The following NTRK3 variants were observed in gnomAD, a reference collection of about 807,000 sequenced individuals.
NTRK3 encodes the protein neurotrophic receptor tyrosine kinase 3.
A neutral mutation model predicts 91.7 loss-of-function variants in NTRK3; 24 were observed. The ratio of observed to expected loss-of-function variants is 0.26; its 90% CI spans 0.19 to 0.37. NTRK3 has a LOEUF of 0.37. NTRK3 is among the 10% of genes least tolerant of loss of function. The pLI is 1.00. For missense variants in NTRK3, 880 were observed against 1,068.9 expected (o/e 0.82, Z 2.46); for synonymous variants, 483 against 404.0 (o/e 1.20, Z -2.34).
At chr15:88,224,315 A>C (rs1109947) in intron 3 of NTRK3, among the ~76,000 whole-genome samples, 124,509 of 152,156 alleles carry the variant, frequency 0.82, 51,756 homozygotes, top group East Asian at 0.96. Context: ...GTTGGCCTGC[A>C]GAGTCTGAGG....
intron 5 of NTRK3, among the ~76,000 whole-genome samples, chr15:88,170,976 A>C (rs1048630801): frequency 2.0e-5 from 3 of 152,196 alleles, no homozygotes; most frequent in Non-Finnish European, 4.4e-5. Context: ...CTGTGTGTAT[A>C]AACCAGCCCT....
chr15:87,902,940 C>A lies in NTRK3; in HGVS notation c.2134-22512G>T, dbSNP rs776823305. Reference sequence around the variant, plus strand: ...CCTTCCCCACCCTACATGTCTGCACCCAAATGCCAGAGCTTCACTGGCCAT... The same window carrying A: ...CCTTCCCCACCCTACATGTCTGCACACAAATGCCAGAGCTTCACTGGCCAT... On this transcript the variant is annotated intron_variant, in intron 17 of 18. Transcript: ENST00000394480. Among the ~76,000 whole-genome samples, 82 of 152,118 alleles carry A rather than the reference C, an allele frequency of 5.4e-4. 3 individuals carry two copies. Among genetic ancestry groups the A allele is most frequent in the South Asian group, 2.1e-4 (1 of 4,830 alleles).
intron 13 of NTRK3, among the ~76,000 whole-genome samples, chr15:88,069,487 G>A (rs1048756985): frequency 1.3e-5 from 2 of 152,192 alleles, no homozygotes; most frequent in African/African-American, 4.8e-5. Context: ...GTGTCAGGGG[G>A]AGCAATGGAA....
intron 13 of NTRK3, among the ~76,000 whole-genome samples, chr15:88,066,986 T>A (rs2046704582): frequency 6.6e-6 from 1 of 152,148 alleles, no homozygotes; most frequent in South Asian, 2.1e-4. Context: ...CTTAAAAGGC[T>A]CAACCTTGCC....
At chr15:88,025,754 G>A (rs186935286) in intron 14 of NTRK3, among the ~76,000 whole-genome samples, 9 of 152,264 alleles carry the variant, frequency 5.9e-5, no homozygotes, top group African/African-American at 1.9e-4. Context: ...CCCAACTTAT[G>A]GTACTGTATT....
chr15:87,876,285 C>T (rs1055787150), exon 19 of NTRK3: 1 of 231,862 alleles, frequency 4.3e-6, no homozygotes, highest in African/African-American at 2.2e-5. Flanking sequence ...ATCAAGATTA[C>T]ACTTTTTAGA....
chr15:88,110,937 G>A (rs991106867), intron 13 of NTRK3, among the ~76,000 whole-genome samples: 16 of 152,308 alleles, frequency 1.1e-4, no homozygotes, highest in Admixed American at 7.8e-4. Context: ...GGAATGGTGG[G>A]GTGGCAGTGT....
chr15:88,111,993 G>A (rs939749006), intron 13 of NTRK3, among the ~76,000 whole-genome samples: 7 of 150,634 alleles, frequency 4.6e-5, no homozygotes, highest in Middle Eastern at 6.9e-3. Flanking sequence ...TGCAAGCTCC[G>A]CCTCCAAGGT....
chr15:88,059,762 A>T (rs2046042456), intron 13 of NTRK3, among the ~76,000 whole-genome samples: 1 of 152,204 alleles, frequency 6.6e-6, no homozygotes, highest in South Asian at 2.1e-4. Context: ...ATGTTATAAC[A>T]CCCAGGGCCT....
intron 16 of NTRK3, among the ~76,000 whole-genome samples, chr15:87,929,891 C>A (rs938969163): frequency 6.6e-6 from 1 of 152,104 alleles, no homozygotes; most frequent in African/African-American, 2.4e-5. Context: ...AGCCAAAGTC[C>A]CAGAGGTCCA....
intron 5 of NTRK3, among the ~76,000 whole-genome samples, chr15:88,149,072 G>A (rs996906538): frequency 2.0e-5 from 3 of 152,208 alleles, no homozygotes; most frequent in African/African-American, 7.2e-5. Flanking sequence ...TTGCCTGCTG[G>A]ATTCCTGGGT....
intron 17 of NTRK3, among the ~76,000 whole-genome samples, chr15:87,905,920 GC>G (rs1210807640): frequency 2.2e-4 from 33 of 152,284 alleles, no homozygotes; most frequent in Admixed American, 1.7e-3. Context: ...AAAAAACAAA[GC>G]AGCAGAAGTT....
At chr15:87,865,507 C>T (rs7162062) in exon 19 of NTRK3, 125,592 of 215,452 alleles carry the variant, frequency 0.58, 39,417 homozygotes, top group East Asian at 0.68. Flanking sequence ...AGCATTTGCT[C>T]TTCACTCATC....
intron 10 of NTRK3, chr15:88,132,059 T>C (rs2041410685): frequency 5.2e-6 from 1 of 192,850 alleles, no homozygotes; most frequent in Non-Finnish European, 1.1e-5. Flanking sequence ...CCACAACCTT[T>C]AAGGTAAAAG....
chr15:87,884,008 G>A (rs1203227146), intron 17 of NTRK3, among the ~76,000 whole-genome samples: 5 of 124,910 alleles, frequency 4.0e-5, no homozygotes, highest in Admixed American at 7.7e-5. Flanking sequence ...AGGCAGTAAA[G>A]ATCCACTAAA....
chr15:88,211,717 G>A (rs934981700), intron 3 of NTRK3, among the ~76,000 whole-genome samples: 1 of 152,190 alleles, frequency 6.6e-6, no homozygotes, highest in African/African-American at 2.4e-5. Context: ...AAGGTGAAAA[G>A]GGAAACAAAT....
At chr15:87,979,816 G>C (rs1376365866) in intron 14 of NTRK3, among the ~76,000 whole-genome samples, 1 of 152,142 alleles carries the variant, frequency 6.6e-6, no homozygotes, top group Non-Finnish European at 1.5e-5. Flanking sequence ...ATGAGCTGAG[G>C]GGTGTGTCGG....
intron 17 of NTRK3, among the ~76,000 whole-genome samples, chr15:87,911,004 A>G (rs570418786): frequency 2.8e-4 from 42 of 152,328 alleles, no homozygotes; most frequent in Non-Finnish European, 5.1e-4. Flanking sequence ...TTCAATATTC[A>G]GGCAAAGTTA....
intron 13 of NTRK3, among the ~76,000 whole-genome samples, chr15:88,098,850 A>T (rs1329867338): frequency 6.6e-6 from 1 of 152,194 alleles, no homozygotes; most frequent in East Asian, 1.9e-4. Context: ...GAAACTCAGT[A>T]ATCAAGAGAG....
Sources: gnomAD v4.1 joint callset for allele counts (sites outside exome capture counted in the v4.1 genomes callset) on GRCh38, gnomAD v4.1.1 for gene constraint, MANE v1.5 for transcripts, NCBI Gene and HGNC (gene_info 2026-07-23, HGNC 2026-07-21) for gene names.